CCT6B: variants seen among roughly 807,000 people sequenced by gnomAD.
CCT6B encodes chaperonin containing TCP1 subunit 6B.
In CCT6B, 49 loss-of-function variants were observed where a neutral mutation model predicts 61.5. The observed-to-expected ratio is 0.80, with a 90% CI of 0.63 to 1.01. The LOEUF is 1.01. Ranked by LOEUF, CCT6B falls within the 50% of genes least tolerant of loss-of-function variation. CCT6B has a pLI of 0.00. For missense variants in CCT6B, 666 were observed against 634.7 expected, an observed-to-expected ratio of 1.05 and a Z score of -0.53; for synonymous variants, 228 against 214.5, an observed-to-expected ratio of 1.06 and a Z score of -0.55.
At chr17:34,932,158 G>C (rs995337828) in intron 11 of CCT6B, among the ~76,000 whole-genome samples, 2 of 152,202 alleles carry the variant, frequency 1.3e-5, no homozygotes, top group African/African-American at 4.8e-5. Context: ...AAGGGGGTAA[G>C]TTGGCTATTT....
chr17:34,952,149 C>G (rs918194818), intron 4 of CCT6B, 96 bp from the exon 5 acceptor site: 2 of 706,764 alleles, frequency 2.8e-6, no homozygotes, highest in Admixed American at 6.0e-5. Flanking sequence ...GAGATAAAAG[C>G]CTTCAGGATT....
chr17:34,949,603 A>G (rs2090269219), intron 5 of CCT6B: 1 of 152,152 alleles, frequency 6.6e-6, no homozygotes, highest in African/African-American at 2.4e-5. Flanking sequence ...GATTTTTTAA[A>G]TATAATTATC....
At chr17:34,934,134 GAAAAAAAA>G (rs1280861242) in intron 10 of CCT6B, among the ~76,000 whole-genome samples, 8 of 75,824 alleles carry the variant, frequency 1.1e-4, no homozygotes, top group African/African-American at 3.9e-4. Flanking sequence ...GTTTCAAAAA[GAAAAAAAA>G]AAAAAAAAAA....
At chr17:34,956,184 C>A (rs764285010) in intron 3 of CCT6B, among the ~76,000 whole-genome samples, 1 of 152,208 alleles carries the variant, frequency 6.6e-6, no homozygotes, top group Admixed American at 6.5e-5. Flanking sequence ...CCTCTCCAGC[C>A]TCTTCTCCAC....
rs2090131221 is a variant in CCT6B at position 34,939,247 on chromosome 17, A to G, written c.1149T>C (p.Thr383=). 1.9e-6 allele frequency: 3 copies of G among 1,613,854 alleles called. No homozygotes were observed. Among genetic ancestry groups the G allele is most frequent in the Non-Finnish European group, 2.5e-6 (3 of 1,179,812 alleles). The change falls in exon 10 of 14, where the codon ACT becomes ACC. Residue 383 remains threonine, a synonymous_variant. Coordinates refer to ENST00000314144, the MANE Select transcript of CCT6B (RefSeq NM_006584.4). The part of the protein sequence containing the change: ...TLLVKGPNKH[T]LTQVKDAIRD... ...TTATGGCATCCTTGACTTGTGTGAG[A>G]GTATGCTTATTTGGTCCTTTAACCA...
At chr17:34,940,121 T>C (rs979240171) in intron 8 of CCT6B, among the ~76,000 whole-genome samples, 2 of 152,192 alleles carry the variant, frequency 1.3e-5, no homozygotes, top group African/African-American at 4.8e-5. Flanking sequence ...CTTGAATTTA[T>C]TCCTCCTAAC....
chr17:34,939,630 TAC>T lies in CCT6B; in HGVS notation c.1050_1051del (p.Tyr351Ter). ...AGAAATACTCACTAATGTATACTCA[TAC>T]ACAAGACCAGCATGTCCCAAGCAAT... On this transcript the variant is annotated frameshift_variant, in exon 9 of 14. Coordinates refer to ENST00000314144, the MANE Select transcript of CCT6B (RefSeq NM_006584.4). LOFTEE classifies it high-confidence loss of function. The T allele has an allele frequency of 6.2e-7, 1 of 1,603,270 alleles. No individual in the cohort carries two copies. Among genetic ancestry groups the T allele is most frequent in the South Asian group, 1.1e-5 (1 of 90,850 alleles).
At chr17:34,931,476 C>T (rs995578162) in intron 11 of CCT6B, among the ~76,000 whole-genome samples, 11 of 152,144 alleles carry the variant, frequency 7.2e-5, no homozygotes, top group African/African-American at 2.4e-4. Context: ...CACCTTTGTG[C>T]CCCTCATCTT....
At chr17:34,940,125 T>C (rs577589795) in intron 8 of CCT6B, among the ~76,000 whole-genome samples, 1 of 152,178 alleles carries the variant, frequency 6.6e-6, no homozygotes, top group Non-Finnish European at 1.5e-5. Flanking sequence ...AATTTATTCC[T>C]CCTAACTAAC....
At chr17:34,934,394 C>G (rs184550075) in intron 10 of CCT6B, among the ~76,000 whole-genome samples, 6 of 152,162 alleles carry the variant, frequency 3.9e-5, no homozygotes, top group Non-Finnish European at 1.5e-5. Context: ...TTTTTCAGGC[C>G]ATACCATTTC....
chr17:34,933,091 CT>C (rs2090054877), intron 10 of CCT6B, among the ~76,000 whole-genome samples: 1 of 152,078 alleles, frequency 6.6e-6, no homozygotes, highest in Admixed American at 6.6e-5. Context: ...CTTATGACTA[CT>C]TTTAAGAGGT....
chr17:34,945,619 T>G (rs1276468457), intron 5 of CCT6B, among the ~76,000 whole-genome samples: 1 of 152,224 alleles, frequency 6.6e-6, no homozygotes, highest in Admixed American at 6.5e-5. Context: ...TGGTCTCTGG[T>G]TTCTGCCTTT....
In CCT6B at chr17:34,942,623, AAG is replaced by A. The variant is rs1207644280; in HGVS notation, c.744_745del (p.Phe249LeufsTer2). 6.3e-7 allele frequency: 1 copy of A among 1,594,904 alleles called. No individual in the cohort carries two copies. Among genetic ancestry groups the A allele is most frequent in the Admixed American group, 1.9e-5 (1 of 53,990 alleles). ...CTCTTTCTCTTCTGCAGTCTTATAA[AAG>A]AAACCAGAGTTCACCTCTCTAAAAG... On this transcript the variant is annotated frameshift_variant, in exon 7 of 14. Coordinates refer to ENST00000314144, the MANE Select transcript of CCT6B (RefSeq NM_006584.4). LOFTEE classifies it high-confidence loss of function.
At position 34,942,818 on chromosome 17, in the gene CCT6B, C is replaced by T. The variant is rs151193695; in HGVS notation, c.703G>A (p.Val235Ile). Reference sequence around the variant, plus strand: ...CACGTTTTTTCATATTCCAGTGAAACGTTGCAAATAAGGATAAATGCATCT... The same window carrying T: ...CACGTTTTTTCATATTCCAGTGAAATGTTGCAAATAAGGATAAATGCATCT... ...VEDAFILICN[V>I]SLEYEKTEVN... The change falls in exon 6 of 14, where the codon GTT becomes ATT. Residue 235 changes from valine (V) to isoleucine (I), a missense_variant. Val to Ile is a conservative substitution (Grantham distance 29). Transcript: ENST00000314144. The T allele has an allele frequency of 1.0e-3, 1,632 of 1,605,678 alleles. 1 individual carries two copies. The highest frequency in any genetic ancestry group is 1.3e-3 in the Non-Finnish European group (1,533 of 1,175,462).
chr17:34,952,143 T>C (rs773739241), intron 4 of CCT6B, 90 bp from the exon 5 acceptor site: 17 of 749,764 alleles, frequency 2.3e-5, no homozygotes, highest in African/African-American at 3.6e-5. Flanking sequence ...ACTAAGGAGA[T>C]AAAAGCCTTC....
chr17:34,932,450 G>C lies in CCT6B; in HGVS notation c.1264C>G (p.Leu422Val). ...TTTATACTGTTCTTATATGTAACAA[G>C]AGCTTCAGCCATTGCCACTTCAATT... is the stretch of plus-strand genomic sequence containing the variant. ...GAIEVAMAEA[L>V]VTYKNSIKGR... Residue 422 changes from leucine (L) to valine (V), a missense_variant, in exon 11 of 14, where the codon CTT becomes GTT. By Grantham distance (32) the Leu-to-Val change is conservative (BLOSUM62 1). Coordinates refer to ENST00000314144, the MANE Select transcript of CCT6B (RefSeq NM_006584.4). 6.2e-7 allele frequency: 1 copy of C among 1,612,388 alleles called. No individual in the cohort carries two copies. The highest frequency in any genetic ancestry group is 8.5e-7 in the Non-Finnish European group (1 of 1,179,304).
chr17:34,927,953 G>A lies in CCT6B; in HGVS notation c.*95C>T. ...AAAAGACATAAACTGCATTTATTGT[G>A]TAGAAATTCAGAATGGCTCAGGCTA... On this transcript the variant is annotated 3_prime_UTR_variant, in exon 14 of 14. Transcript: ENST00000314144. 1 of 778,550 alleles carries A rather than the reference G, an allele frequency of 1.3e-6. No homozygotes were observed. The highest frequency in any genetic ancestry group is 2.0e-6 in the Non-Finnish European group (1 of 490,474). 48.2% of individuals were successfully genotyped at this position (778,550 alleles called of 1,614,324 possible).
rs762220466 is a variant in CCT6B at position 34,958,598 on chromosome 17, C to T, written c.298G>A (p.Gly100Arg). ...DGTTSNVLII[G>R]ELLKQADLYI... ...AGGTCAGCTTGTTTTAATAACTCTC[C>T]AATAATTAGAACATTTGAAGTAGTA... Residue 100 changes from glycine (G) to arginine (R), a missense_variant, in exon 3 of 14, where the codon GGA becomes AGA. By Grantham distance (125) the Gly-to-Arg change is moderately radical (BLOSUM62 -2). Transcript: ENST00000314144. The T allele has an allele frequency of 3.8e-6, 6 of 1,592,864 alleles. No individual in the cohort carries two copies. The highest frequency in any genetic ancestry group is 3.4e-5 in the Admixed American group (2 of 58,164).
At chr17:34,959,538 T>G (rs779533530) in intron 2 of CCT6B, 49 bp downstream of exon 2, 6 of 1,321,618 alleles carry the variant, frequency 4.5e-6, no homozygotes, top group Non-Finnish European at 6.6e-6. Flanking sequence ...CTACTATGCT[T>G]CTAATTAAGG....
Sources: allele counts gnomAD v4.1 joint callset (sites outside exome capture counted in the v4.1 genomes callset), GRCh38; gene constraint gnomAD v4.1.1; transcripts MANE v1.5; gene names NCBI Gene and HGNC (gene_info 2026-07-23, HGNC 2026-07-21).